Variants in XPO4 observed in about 807,000 individuals in gnomAD.
XPO4 encodes exportin-4.
XPO4 carries 39 observed loss-of-function variants against 143.0 expected under a neutral mutation model. The observed-to-expected ratio is 0.27, with a 90% CI of 0.21 to 0.36. The LOEUF is 0.36. XPO4 is among the 10% of genes least tolerant of loss of function. XPO4 has a pLI of 1.00. For missense variants in XPO4, 907 were observed against 1,348.0 expected (o/e 0.67, Z 5.12); for synonymous variants, 439 against 474.0 (o/e 0.93, Z 0.96).
At chr13:20,819,258 C>T (rs893887850) in intron 9 of XPO4, among the ~76,000 whole-genome samples, 1 of 152,218 alleles carries the variant, frequency 6.6e-6, no homozygotes, top group Admixed American at 6.5e-5. Flanking sequence ...TTCATGACTG[C>T]CTGGCCTGTA....
intron 1 of XPO4, chr13:20,869,721 T>G: frequency 2.4e-6 from 1 of 412,398 alleles, no homozygotes; most frequent in Non-Finnish European, 3.3e-6. Context: ...AGAGAATTCT[T>G]ATAATTAGCT....
At chr13:20,878,536 A>AGTGTTC (rs2060376806) in intron 1 of XPO4, among the ~76,000 whole-genome samples, 2 of 152,212 alleles carry the variant, frequency 1.3e-5, no homozygotes, top group Non-Finnish European at 2.9e-5. Context: ...ACCTAGATAA[A>AGTGTTC]CCCTGAAAAT....
intron 6 of XPO4, among the ~76,000 whole-genome samples, chr13:20,832,585 C>G (rs1470596080): frequency 6.6e-6 from 1 of 152,064 alleles, no homozygotes; most frequent in Non-Finnish European, 1.5e-5. Context: ...TATTTTTTAC[C>G]CTACTTCATC....
At chr13:20,809,046 A>C (rs2059542276) in intron 11 of XPO4, 37 bp downstream of exon 11, 1 of 1,598,268 alleles carries the variant, frequency 6.3e-7, no homozygotes, top group Non-Finnish European at 8.5e-7. Context: ...TGAATAGAGA[A>C]TATTTGCTCC....
At chr13:20,786,277 T>G (rs1031446054) in intron 22 of XPO4, among the ~76,000 whole-genome samples, 9 of 136,992 alleles carry the variant, frequency 6.6e-5, no homozygotes, top group Non-Finnish European at 1.3e-4. Flanking sequence ...TTGGCCATGC[T>G]GGGAGGTATA....
At chr13:20,879,418 G>A in intron 1 of XPO4, 1 of 696,188 alleles carries the variant, frequency 1.4e-6, no homozygotes, top group Non-Finnish European at 1.8e-6. Flanking sequence ...GCAGGCCTAT[G>A]ACAGGTCTCT....
intron 22 of XPO4, among the ~76,000 whole-genome samples, chr13:20,784,962 G>A (rs2059182304): frequency 1.3e-5 from 2 of 152,024 alleles, no homozygotes; most frequent in African/African-American, 4.8e-5. Flanking sequence ...CTGTTTCCTG[G>A]GTTCAAGTGA....
At chr13:20,851,619 G>GA in intron 4 of XPO4, 1 of 500,174 alleles carries the variant, frequency 2.0e-6, no homozygotes, top group Non-Finnish European at 2.6e-6. Flanking sequence ...TAAGGTAGAA[G>GA]AATCACCTGA....
intron 1 of XPO4, among the ~76,000 whole-genome samples, chr13:20,889,100 A>C (rs763414968): frequency 1.5e-4 from 23 of 152,200 alleles, no homozygotes; most frequent in Non-Finnish European, 2.2e-4. Flanking sequence ...GGCGTGAGCC[A>C]CTGCACCCGG....
At chr13:20,801,613 A>G (rs2762998) in intron 13 of XPO4, among the ~76,000 whole-genome samples, 34,187 of 152,084 alleles carry the variant, frequency 0.22, 5,570 homozygotes, top group East Asian at 0.8. Context: ...TGTGGTGTCA[A>G]TCACATAGCG....
intron 6 of XPO4, among the ~76,000 whole-genome samples, chr13:20,839,207 T>A (rs1003712652): frequency 6.6e-6 from 1 of 152,140 alleles, no homozygotes; most frequent in South Asian, 2.1e-4. Context: ...GAGGTTGCAG[T>A]GAGCCGAGAT....
intron 6 of XPO4, among the ~76,000 whole-genome samples, chr13:20,827,689 A>C (rs1484747166): frequency 1.3e-5 from 2 of 152,196 alleles, no homozygotes; most frequent in African/African-American, 2.4e-5. Context: ...TATAATATTA[A>C]AGAAAAAAAA....
Position 20,849,342 on chromosome 13 carries a change from A to T in XPO4, c.457-5456T>A, listed in dbSNP as rs963722679. 1.2e-5 allele frequency: 12 copies of T among 985,320 alleles called. No homozygotes were observed. In the African/African-American group the frequency reaches 2.1e-4, roughly 17 times the overall value. The allele number at this position is 985,320 out of a possible 1,614,324, so 61.0% of individuals were successfully genotyped here. ...GTGAATTTCTCACCCACTTCTCTCT[A>T]GTATGGCAAAGAGGAAGAAAGGAGA... On this transcript the variant is annotated intron_variant, in intron 4 of 22. Transcript: ENST00000255305.
intron 16 of XPO4, among the ~76,000 whole-genome samples, chr13:20,798,303 T>C: frequency 6.6e-6 from 1 of 151,892 alleles, no homozygotes; most frequent in African/African-American, 2.4e-5. Flanking sequence ...GGGATCAGGG[T>C]GATGCGTTTA....
intron 9 of XPO4, among the ~76,000 whole-genome samples, chr13:20,820,386 C>G (rs1233658163): frequency 2.0e-5 from 3 of 152,166 alleles, no homozygotes; most frequent in Non-Finnish European, 4.4e-5. Flanking sequence ...GCTTAACTCA[C>G]AAACAGAACT....
chr13:20,877,037 G>A (rs1043586147), intron 1 of XPO4, among the ~76,000 whole-genome samples: 2 of 152,096 alleles, frequency 1.3e-5, no homozygotes, highest in African/African-American at 4.8e-5. Flanking sequence ...GCTGATTGGT[G>A]CGTTTTTACA....
chr13:20,869,297 A>G (rs2060272023), intron 1 of XPO4, among the ~76,000 whole-genome samples: 1 of 152,182 alleles, frequency 6.6e-6, no homozygotes, highest in African/African-American at 2.4e-5. Flanking sequence ...CTTAACAAAA[A>G]CAATTTCTAA....
At chr13:20,900,520 T>TA (rs1237592600) in intron 1 of XPO4, among the ~76,000 whole-genome samples, 1 of 152,210 alleles carries the variant, frequency 6.6e-6, no homozygotes, top group Non-Finnish European at 1.5e-5. Context: ...TAATTTGGAA[T>TA]ATAGCTTTCA....
intron 18 of XPO4, among the ~76,000 whole-genome samples, chr13:20,791,111 TTA>T (rs201979268): frequency 2.6e-5 from 4 of 151,052 alleles, no homozygotes; most frequent in East Asian, 1.9e-4. Context: ...TACATATGAA[TTA>T]TATATATATA....
Sources: gnomAD v4.1 joint callset for allele counts (sites outside exome capture counted in the v4.1 genomes callset) on GRCh38, gnomAD v4.1.1 for gene constraint, MANE v1.5 for transcripts, NCBI Gene and HGNC (gene_info 2026-07-23, HGNC 2026-07-21) for gene names.